The following CHODL variants were observed in gnomAD, a reference collection of about 807,000 sequenced individuals.
CHODL encodes transmembrane protein MT75.
A neutral mutation model predicts 34.5 loss-of-function variants in CHODL; 29 were observed. The ratio of observed to expected loss-of-function variants is 0.84; its 90% CI spans 0.63 to 1.15. The LOEUF (loss-of-function observed/expected upper bound fraction) is 1.15, where lower values mean the gene tolerates loss of function less well. CHODL is among the 50% of genes most tolerant of loss of function. CHODL has a pLI of 0.00. For missense variants in CHODL, 332 were observed against 332.5 expected (o/e 1.00, Z 0.01); for synonymous variants, 125 against 116.1 (o/e 1.08, Z -0.49).
At chr21:18,139,261 G>A (rs1334160137) in intron 2 of CHODL, among the ~76,000 whole-genome samples, 1 of 151,892 alleles carries the variant, frequency 6.6e-6, no homozygotes, top group African/African-American at 2.4e-5. Flanking sequence ...GTGATTTAGG[G>A]ATGGGATATA....
At position 18,236,599 on chromosome 21, in the gene CHODL, G is replaced by T. The variant is rs111436908; in HGVS notation, c.-44-19910G>T. The stretch of plus-strand genomic sequence containing the variant: ...CTCCAGTATTTTCCATGTCTTTTAG[G>T]TTTTACCTCAACACCACACTAGAAA... On this transcript the variant is annotated intron_variant, in intron 2 of 6. Coordinates refer to the CHODL transcript ENST00000400127. 3.7e-3 allele frequency among the ~76,000 whole-genome samples: 562 copies of T among 152,044 alleles called. 6 individuals are homozygous for T. The highest frequency in any genetic ancestry group is 0.013 in the African/African-American group (521 of 41,492).
intron 2 of CHODL, among the ~76,000 whole-genome samples, chr21:18,228,491 C>T (rs773109070): frequency 2.0e-5 from 3 of 152,136 alleles, no homozygotes; most frequent in African/African-American, 2.4e-5. Flanking sequence ...ACTGGCTTTA[C>T]TGCAGGCATC....
intron 1 of CHODL, among the ~76,000 whole-genome samples, chr21:17,946,263 T>TA (rs1159131290): frequency 1.3e-5 from 2 of 151,886 alleles, no homozygotes; most frequent in Non-Finnish European, 2.9e-5. Context: ...TAAAAATACA[T>TA]AAAAAATTAG....
At chr21:18,191,124 TTCA>T (rs2073505876) in intron 2 of CHODL, among the ~76,000 whole-genome samples, 3 of 152,176 alleles carry the variant, frequency 2.0e-5, no homozygotes, top group Non-Finnish European at 1.5e-5. Flanking sequence ...AATTATCAAC[TTCA>T]TCAACCATCA....
chr21:18,243,800 A>T (rs2034951796), upstream of CHODL, among the ~76,000 whole-genome samples: 1 of 152,214 alleles, frequency 6.6e-6, no homozygotes, highest in African/African-American at 2.4e-5. Context: ...CCAATAAAAC[A>T]GTCCAACAGA....
chr21:18,142,641 AC>A (rs1206735595), intron 2 of CHODL, among the ~76,000 whole-genome samples: 1 of 152,234 alleles, frequency 6.6e-6, no homozygotes, highest in African/African-American at 2.4e-5. Flanking sequence ...CACTGGACTT[AC>A]CTTTCTTCTC....
At chr21:18,217,298 T>G (rs963056280) in intron 2 of CHODL, among the ~76,000 whole-genome samples, 6 of 152,046 alleles carry the variant, frequency 3.9e-5, no homozygotes, top group Admixed American at 3.3e-4. Flanking sequence ...GAGGTTTAAT[T>G]GGCTTACAGT....
At chr21:18,019,831 C>T (rs773414375) in intron 1 of CHODL, among the ~76,000 whole-genome samples, 7 of 152,058 alleles carry the variant, frequency 4.6e-5, no homozygotes, top group Non-Finnish European at 1.0e-4. Context: ...GGAATCAGCC[C>T]GTATGTGGAC....
intron 1 of CHODL, among the ~76,000 whole-genome samples, chr21:17,963,699 T>C (rs1438876773): frequency 6.6e-6 from 1 of 152,158 alleles, no homozygotes; most frequent in African/African-American, 2.4e-5. Flanking sequence ...ACCATATCAA[T>C]TATCATTTTT....
intron 1 of CHODL, among the ~76,000 whole-genome samples, chr21:17,946,664 TTC>T (rs1555840696): frequency 1.9e-5 from 1 of 51,682 alleles, no homozygotes; most frequent in Non-Finnish European, 3.8e-5. Flanking sequence ...TGTAATGATC[TTC>T]TTTGTTTCTT....
intron 2 of CHODL, among the ~76,000 whole-genome samples, chr21:18,182,689 G>GA: frequency 6.6e-6 from 1 of 152,008 alleles, no homozygotes; most frequent in East Asian, 1.9e-4. Context: ...ATCTCAGTGG[G>GA]AAAAAAATTT....
intron 2 of CHODL, among the ~76,000 whole-genome samples, chr21:18,035,384 G>A (rs1451726974): frequency 6.6e-6 from 1 of 151,974 alleles, no homozygotes; most frequent in East Asian, 1.9e-4. Flanking sequence ...CTGCTTTTAA[G>A]ACTTCCTCTT....
Position 18,165,243 on chromosome 21 carries a change from C to A in CHODL, c.-44-91266C>A, listed in dbSNP as rs139721132. 9.3e-4 allele frequency among the ~76,000 whole-genome samples: 141 copies of A among 152,336 alleles called. 2 individuals are homozygous for A. The East Asian group carries it at 0.024, about 26-fold the overall frequency. On this transcript the variant is annotated intron_variant, in intron 2 of 6. Transcript: ENST00000400127. ...GTACTCATACAAGCCATCATCCCCT[C>A]TTGACAGAAAAAATCACCATCACAA...
intron 2 of CHODL, among the ~76,000 whole-genome samples, chr21:18,121,805 G>T (rs1184810502): frequency 6.6e-6 from 1 of 152,040 alleles, no homozygotes; most frequent in Non-Finnish European, 1.5e-5. Context: ...TTCACTCCTT[G>T]CCCTGGTTTA....
chr21:18,005,849 A>G (rs2063955512), intron 1 of CHODL, among the ~76,000 whole-genome samples: 1 of 152,172 alleles, frequency 6.6e-6, no homozygotes, highest in Non-Finnish European at 1.5e-5. Flanking sequence ...AAGGGAGAGC[A>G]TCAGGCAGAA....
intron 1 of CHODL, among the ~76,000 whole-genome samples, chr21:17,926,376 G>GTTT (rs34409622): frequency 2.4e-5 from 3 of 127,126 alleles, no homozygotes; most frequent in Admixed American, 7.7e-5. Flanking sequence ...AATAAGGTGG[G>GTTT]TTTTTTTTTT....
intron 1 of CHODL, among the ~76,000 whole-genome samples, chr21:17,942,251 A>T (rs957944379): frequency 6.6e-6 from 1 of 152,180 alleles, no homozygotes; most frequent in Admixed American, 6.5e-5. Flanking sequence ...TCCCCACTCA[A>T]ATCTCATCTT....
chr21:18,248,684 ATATTAT>A (rs1317499523), intron 1 of CHODL, among the ~76,000 whole-genome samples: 286 of 122,024 alleles, frequency 2.3e-3, no homozygotes, highest in African/African-American at 9.4e-3. Flanking sequence ...ATATATGTAT[ATATTAT>A]ATACATATAT....
intron 4 of CHODL, 148 bp from the exon 5 acceptor site, chr21:18,262,643 T>C: frequency 1.7e-6 from 1 of 591,360 alleles, no homozygotes; most frequent in Non-Finnish European, 3.0e-6. Context: ...TATTATTTCA[T>C]TAGATTTTTC....
Sources: gnomAD v4.1 joint callset for allele counts (sites outside exome capture counted in the v4.1 genomes callset) on GRCh38, gnomAD v4.1.1 for gene constraint, MANE v1.5 for transcripts, NCBI Gene and HGNC (gene_info 2026-07-23, HGNC 2026-07-21) for gene names.